Variants in DNM1L observed in about 807,000 individuals in gnomAD.
DNM1L encodes the protein dynamin-1-like protein.
Under a neutral mutation model 92.8 loss-of-function variants are expected in DNM1L, and 33 were observed. The ratio of observed to expected loss-of-function variants is 0.36; its 90% confidence interval spans 0.27 to 0.48. DNM1L has a LOEUF of 0.48. Among genes scored for constraint, DNM1L ranks in the 20% least tolerant of loss-of-function variants. The pLI is 0.99. For synonymous variants in DNM1L, 284 were observed against 305.0 expected (o/e 0.93, Z 0.72); for missense variants, 485 against 888.8 (o/e 0.55, Z 5.78).
At chr12:32,704,954 G>A (rs930313732) in intron 2 of DNM1L, among the ~76,000 whole-genome samples, 1 of 151,252 alleles carries the variant, frequency 6.6e-6, no homozygotes, top group Non-Finnish European at 1.5e-5. Context: ...TAAAAATCAG[G>A]CAATTTATCT....
rs1430413582 is a variant in DNM1L, at chr12:32,740,125, G to A, written c.1769G>A (p.Arg590Lys). 4 of 1,614,070 alleles carry A rather than the reference G, an allele frequency of 2.5e-6. No individual in the cohort carries two copies. In the African/African-American group the frequency reaches 5.3e-5, roughly 22 times the overall value. ...GVQEPTTGNW[R>K]GMLKTSKAEE... Reference sequence around the variant, plus strand: ...CAAGAACCAACCACAGGCAACTGGAGAGGAATGCTGAAAACTTCAAAAGCT... The same window carrying A: ...CAAGAACCAACCACAGGCAACTGGAAAGGAATGCTGAAAACTTCAAAAGCT... The change falls in exon 17 of 20, where the codon AGA becomes AAA. Residue 590 changes from arginine (R) to lysine (K), a missense_variant. Arg to Lys is a conservative substitution (Grantham distance 26, BLOSUM62 2). Transcript: ENST00000549701.
chr12:32,704,846 C>T (rs1304776514), intron 2 of DNM1L, among the ~76,000 whole-genome samples: 2 of 152,050 alleles, frequency 1.3e-5, no homozygotes, highest in Non-Finnish European at 2.9e-5. Context: ...ATAAAATACC[C>T]TTATATAGTC....
intron 8 of DNM1L, among the ~76,000 whole-genome samples, chr12:32,721,017 T>C (rs966804673): frequency 2.0e-5 from 3 of 152,218 alleles, no homozygotes; most frequent in African/African-American, 4.8e-5. Flanking sequence ...GATTTTAAAA[T>C]GTTTTAATTA....
At chr12:32,721,674 G>C (rs564205798) in intron 8 of DNM1L, among the ~76,000 whole-genome samples, 1 of 152,082 alleles carries the variant, frequency 6.6e-6, no homozygotes, top group South Asian at 2.1e-4. Context: ...TTAATTCAAT[G>C]CTAACACTGT....
rs1555120358 is a variant in DNM1L, at chr12:32,716,760, A to ATATC, written c.620-1880_620-1879insCTAT. On this transcript the variant is annotated intron_variant, in intron 6 of 19. Coordinates refer to ENST00000549701, the MANE Select transcript of DNM1L (RefSeq NM_012062.5). ...ATATATAGTATATATATATATATAT[A>ATATC]TATAGTAACTGAAAATACCATAGGT... is the stretch of plus-strand genomic sequence containing the variant. Among the ~76,000 whole-genome samples the ATATC allele has an allele frequency of 5.4e-5, 8 of 146,942 alleles. No individual in the cohort carries two copies. In the East Asian group the frequency reaches 1.6e-3, roughly 29 times the overall value.
intron 13 of DNM1L, among the ~76,000 whole-genome samples, chr12:32,735,529 C>T (rs16920138): frequency 0.033 from 5,025 of 152,044 alleles, 130 homozygotes; most frequent in Non-Finnish European, 0.056. Flanking sequence ...ACTGAATACC[C>T]GCCCATGAAA....
chr12:32,717,166 CTAT>C (rs1953430236), intron 6 of DNM1L, among the ~76,000 whole-genome samples: 1 of 113,650 alleles, frequency 8.8e-6, no homozygotes, highest in Non-Finnish European at 1.7e-5. Context: ...AATATATATA[CTAT>C]AAAATATATA....
intron 16 of DNM1L, among the ~76,000 whole-genome samples, chr12:32,738,939 TCA>T (rs1445576931): frequency 6.6e-6 from 1 of 152,222 alleles, no homozygotes; most frequent in Non-Finnish European, 1.5e-5. Flanking sequence ...CCCACTGTGC[TCA>T]GATATTAATC....
intron 9 of DNM1L, chr12:32,726,469 C>G: frequency 8.4e-7 from 1 of 1,192,768 alleles, no homozygotes; most frequent in Non-Finnish European, 1.3e-6. Flanking sequence ...TCTTCCTCAT[C>G]TGCTTCTTCA....
intron 4 of DNM1L, 36 bp downstream of exon 4, chr12:32,708,260 C>A: frequency 7.8e-7 from 1 of 1,283,252 alleles, no homozygotes; most frequent in Non-Finnish European, 1.1e-6. Flanking sequence ...GCATAAGCAT[C>A]AGTAAATATA....
chr12:32,742,430 T>C (rs1372599424), intron 18 of DNM1L, among the ~76,000 whole-genome samples, 159 bp from the exon 19 acceptor site: 1 of 152,180 alleles, frequency 6.6e-6, no homozygotes, highest in Non-Finnish European at 1.5e-5. Flanking sequence ...AATGTTTAAT[T>C]ACAGTTAAGC....
chr12:32,737,844 C>A, intron 14 of DNM1L, 21 bp from the exon 15 acceptor site: 1 of 1,609,022 alleles, frequency 6.2e-7, no homozygotes, highest in Non-Finnish European at 8.5e-7. Context: ...TTTTTTTCCC[C>A]CCTGGATTTT....
intron 15 of DNM1L, 118 bp from the exon 16 acceptor site, chr12:32,738,146 A>G: frequency 1.6e-6 from 2 of 1,244,050 alleles, no homozygotes; most frequent in Admixed American, 3.8e-5. Context: ...TGCAATATAG[A>G]AGATGCACAC....
Position 32,733,820 on chromosome 12 carries a change from C to A in DNM1L, c.1539+13C>A. 1 of 1,607,456 alleles carries A rather than the reference C, an allele frequency of 6.2e-7. No individual in the cohort carries two copies. The highest frequency in any genetic ancestry group is 1.1e-5 in the South Asian group (1 of 90,822). On this transcript the variant is annotated intron_variant, in intron 13 of 19. Coordinates refer to ENST00000549701, the MANE Select transcript of DNM1L (RefSeq NM_012062.5). ...CAATAATATAGAGGTAAATATAATT[C>A]TTAAATGCTTTTTCACAGGTAGAAA... is the stretch of plus-strand genomic sequence containing the variant.
Position 32,738,221 on chromosome 12 carries a change from A to G in DNM1L, c.1675-43A>G, listed in dbSNP as rs765617322. 8 of 1,609,972 alleles carry G rather than the reference A, an allele frequency of 5.0e-6. No individual in the cohort carries two copies. The African/African-American group carries it at 8.0e-5, about 16-fold the overall frequency. ...TGAATTTCAACCCATTGGTATTTAA[A>G]TTTTGCTTGTTAAATTGCATGTTTT... is the stretch of plus-strand genomic sequence containing the variant. On this transcript the variant is annotated intron_variant, in intron 15 of 19. Transcript: ENST00000549701.
intron 9 of DNM1L, among the ~76,000 whole-genome samples, chr12:32,724,041 C>T (rs566657722): frequency 1.3e-5 from 2 of 152,148 alleles, no homozygotes; most frequent in South Asian, 2.1e-4. Flanking sequence ...TCCAATAGTC[C>T]ACCCTCGCCA....
In DNM1L at chr12:32,737,184, T is replaced by C. The variant is rs1475858193; in HGVS notation, c.1596+23T>C. 4 of 1,610,914 alleles carry C rather than the reference T, an allele frequency of 2.5e-6. No individual in the cohort carries two copies. The African/African-American group carries it at 4.0e-5, about 16-fold the overall frequency. On this transcript the variant is annotated intron_variant, in intron 14 of 19. Transcript: ENST00000549701. ...AAGGTAAAAAAATGTTTTTAATGCA[T>C]ATTCCCAATACCTAAAGATAGATTG...
Position 32,727,133 on chromosome 12 carries a change from A to C in DNM1L, c.1080-3881A>C. 5.3e-6 allele frequency: 4 copies of C among 760,062 alleles called. No homozygotes were observed. The South Asian group carries it at 5.7e-5, about 11-fold the overall frequency. 47.1% of individuals were successfully genotyped at this position (760,062 alleles called of 1,614,324 possible). ...TGGCCTTTTCTTTCAACTCCTCTGA[A>C]ATCTCATCTTCTTCATCTGGTTTCC... is the stretch of plus-strand genomic sequence containing the variant. On this transcript the variant is annotated intron_variant, in intron 9 of 19. Transcript: ENST00000549701.
rs775735556 is a variant in DNM1L, at chr12:32,742,659, C to T, written c.2065C>T (p.Gln689Ter). The T allele has an allele frequency of 6.2e-7, 1 of 1,614,028 alleles. No homozygotes were observed. The highest frequency in any genetic ancestry group is 1.1e-5 in the South Asian group (1 of 91,080). Reference protein sequence around the residue: ...KDTLQSELVGQLYKSSLLDDL... With the variant: ...KDTLQSELVG Reference sequence around the variant, plus strand: ...CACTCTTCAGAGTGAGCTAGTAGGCCAGCTGTATAAATCATCCTTATTGGA... The same window carrying T: ...CACTCTTCAGAGTGAGCTAGTAGGCTAGCTGTATAAATCATCCTTATTGGA... Residue 689 changes from glutamine (Q) to a stop codon, truncating the protein, a stop_gained, in exon 19 of 20, where the codon CAG (glutamine) becomes TAG (stop). Coordinates refer to ENST00000549701, the MANE Select transcript of DNM1L (RefSeq NM_012062.5). LOFTEE classifies it high-confidence loss of function.
Sources: gnomAD v4.1 joint callset for allele counts (sites outside exome capture counted in the v4.1 genomes callset) on GRCh38, gnomAD v4.1.1 for gene constraint, MANE v1.5 for transcripts, NCBI Gene and HGNC (gene_info 2026-07-23, HGNC 2026-07-21) for gene names.